The following SMCHD1 variants were observed in gnomAD, a reference collection of about 807,000 sequenced individuals.
SMCHD1 encodes the protein structural maintenance of chromosomes flexible hinge domain-containing protein 1.
SMCHD1 carries 78 observed loss-of-function variants against 254.7 expected under a neutral mutation model. The ratio of observed to expected loss-of-function variants is 0.31; its 90% CI spans 0.26 to 0.37. The LOEUF is 0.37. Among genes scored for constraint, SMCHD1 ranks in the 10% least tolerant of loss-of-function variants. The pLI is 1.00. For missense variants in SMCHD1, 1,840 were observed against 2,408.1 expected (o/e 0.76, Z 4.94); for synonymous variants, 766 against 794.9 (o/e 0.96, Z 0.61).
intron 10 of SMCHD1, among the ~76,000 whole-genome samples, chr18:2,699,622 A>G (rs2074356964): frequency 6.6e-6 from 1 of 152,218 alleles, no homozygotes; most frequent in African/African-American, 2.4e-5. Flanking sequence ...TTACAGGCGT[A>G]AGCCCCTGTG....
intron 25 of SMCHD1, among the ~76,000 whole-genome samples, chr18:2,736,937 G>A (rs62085960): frequency 0.19 from 29,534 of 152,016 alleles, 3,116 homozygotes; most frequent in South Asian, 0.27. Flanking sequence ...CCAAATATAC[G>A]TGCAGTTTTC....
chr18:2,668,670 G>T (rs1055101635), intron 3 of SMCHD1, among the ~76,000 whole-genome samples: 59 of 152,112 alleles, frequency 3.9e-4, no homozygotes, highest in Admixed American at 6.5e-5. Flanking sequence ...AACTCCTCCA[G>T]AGAGTTGAAT....
intron 3 of SMCHD1, among the ~76,000 whole-genome samples, chr18:2,669,647 C>G (rs961925438): frequency 1.3e-5 from 2 of 152,166 alleles, no homozygotes; most frequent in East Asian, 3.8e-4. Flanking sequence ...AGAAGTGACT[C>G]TCACAAGGAA....
Position 2,666,929 on chromosome 18 carries a change from C to T in SMCHD1, c.322C>T (p.Leu108=). The T allele has an allele frequency of 5.6e-6, 9 of 1,612,938 alleles. No individual in the cohort carries two copies. The highest frequency in any genetic ancestry group is 7.6e-6 in the Non-Finnish European group (9 of 1,179,278). The change falls in exon 3 of 48, where the codon CTG becomes TTG. Residue 108 remains leucine, a synonymous_variant. Coordinates refer to ENST00000320876, the MANE Select transcript of SMCHD1 (RefSeq NM_015295.3). ...GCTACAGTCGGTCAATCAGTTACTA[C>T]TGACAGCTACGAAAGAACGAATTGA... ...YLLQSVNQLL[L]TATKERIDFL... is the part of the protein sequence containing the mutation.
At chr18:2,794,991 T>A (rs901472871) in intron 45 of SMCHD1, among the ~76,000 whole-genome samples, 1 of 152,174 alleles carries the variant, frequency 6.6e-6, no homozygotes, top group Admixed American at 6.5e-5. Flanking sequence ...AAAGTTAAGT[T>A]TTTTGAAAGT....
At chr18:2,698,129 A>C in intron 10 of SMCHD1, 88 bp downstream of exon 10, 1 of 953,192 alleles carries the variant, frequency 1.0e-6, no homozygotes, top group Non-Finnish European at 1.5e-6. Flanking sequence ...CGGTTGGGTT[A>C]TTCAGGTTAG....
Position 2,711,773 on chromosome 18 carries a change from C to T in SMCHD1, c.2260+3853C>T, listed in dbSNP as rs562265370. Among the ~76,000 whole-genome samples, 8 of 152,298 alleles carry T rather than the reference C, an allele frequency of 5.3e-5. No homozygotes were observed. The East Asian group carries it at 9.6e-4, about 18-fold the overall frequency. Reference sequence around the variant, plus strand: ...CTGGGATTACAGGCGTGAGCCACCGCGCCCGGCCTGGATGTTTGTCTTGAT... The same window carrying T: ...CTGGGATTACAGGCGTGAGCCACCGTGCCCGGCCTGGATGTTTGTCTTGAT... On this transcript the variant is annotated intron_variant, in intron 17 of 47. Transcript: ENST00000320876.
chr18:2,708,915 T>TATATAC (rs1568199419), intron 17 of SMCHD1, among the ~76,000 whole-genome samples: 7 of 90,446 alleles, frequency 7.7e-5, no homozygotes, highest in South Asian at 4.3e-4. Context: ...TATAACATAT[T>TATATAC]AACATGAAAT....
chr18:2,784,655 A>G, intron 45 of SMCHD1, 34 bp downstream of exon 45: 15 of 1,515,102 alleles, frequency 9.9e-6, no homozygotes, highest in Non-Finnish European at 1.3e-5. Flanking sequence ...AGCAATTTCT[A>G]ATTTAATTTT....
At chr18:2,721,988 G>A (rs529413752) in intron 19 of SMCHD1, among the ~76,000 whole-genome samples, 82 of 152,260 alleles carry the variant, frequency 5.4e-4, no homozygotes, top group Middle Eastern at 3.4e-3. Context: ...AAAACTTCAG[G>A]ACTAGAGACC....
chr18:2,737,410 T>G (rs1018908235), intron 25 of SMCHD1, among the ~76,000 whole-genome samples: 4 of 152,180 alleles, frequency 2.6e-5, no homozygotes, highest in Non-Finnish European at 4.4e-5. Context: ...TTTAGAAATT[T>G]TTTTTAAAAA....
intron 13 of SMCHD1, among the ~76,000 whole-genome samples, chr18:2,705,081 C>T (rs767146716): frequency 1.4e-5 from 2 of 145,140 alleles, no homozygotes; most frequent in African/African-American, 2.5e-5. Flanking sequence ...TAGAGATGTG[C>T]GTAGGTTAAG....
intron 34 of SMCHD1, among the ~76,000 whole-genome samples, chr18:2,760,056 G>T (rs183183519): frequency 6.6e-6 from 1 of 152,206 alleles, no homozygotes; most frequent in Admixed American, 6.5e-5. Context: ...TGAATGACAT[G>T]CAAAAGCTAC....
chr18:2,766,273 G>A (rs750793983), intron 37 of SMCHD1, among the ~76,000 whole-genome samples: 30 of 152,200 alleles, frequency 2.0e-4, no homozygotes, highest in Non-Finnish European at 3.4e-4. Context: ...GATTACAGGC[G>A]TGAGCCGCCG....
intron 33 of SMCHD1, among the ~76,000 whole-genome samples, 155 bp downstream of exon 33, chr18:2,751,548 G>A (rs376720771): frequency 1.3e-5 from 2 of 152,240 alleles, no homozygotes; most frequent in Admixed American, 1.3e-4. Flanking sequence ...TTACATCAAT[G>A]TATGTTTCAA....
In SMCHD1 at chr18:2,722,542, T is replaced by A. The variant is rs778103153; in HGVS notation, c.2482T>A (p.Phe828Ile). 4 of 1,612,650 alleles carry A rather than the reference T, an allele frequency of 2.5e-6. No individual in the cohort carries two copies. The highest frequency in any genetic ancestry group is 3.4e-6 in the Non-Finnish European group (4 of 1,179,484). The change falls in exon 20 of 48, where the codon TTT becomes ATT. Residue 828 changes from phenylalanine to isoleucine, a missense_variant. Physicochemically the swap from Phe to Ile is conservative, Grantham distance 21. Around this residue, in one of 9 missense-constraint regions of SMCHD1, gnomAD observed 59 missense variants for 99.2 expected, o/e 0.59. Transcript: ENST00000320876. ...AGAGGGTAAGCCAGAGAAATTTTCA[T>A]TTGGTCTTCTGGATCTTCCTTTTCG... ...VKEGKPEKFS[F>I]GLLDLPFRVG... is the part of the protein sequence containing the mutation.
chr18:2,704,396 G>A (rs902745672), intron 13 of SMCHD1, among the ~76,000 whole-genome samples: 2 of 151,882 alleles, frequency 1.3e-5, no homozygotes, highest in African/African-American at 4.8e-5. Context: ...TTTTTTTGTT[G>A]AGCATCTGCT....
At chr18:2,746,607 A>G (rs1474311926) in intron 29 of SMCHD1, among the ~76,000 whole-genome samples, 4 of 152,240 alleles carry the variant, frequency 2.6e-5, no homozygotes, top group Non-Finnish European at 5.9e-5. Flanking sequence ...TCTTATTCAT[A>G]GCAGACTGTT....
intron 19 of SMCHD1, among the ~76,000 whole-genome samples, chr18:2,720,933 G>A (rs1310568427): frequency 3.3e-5 from 5 of 152,138 alleles, no homozygotes; most frequent in African/African-American, 9.7e-5. Context: ...ACTTTTAGTA[G>A]TGCTGTGTCT....
Sources: allele counts gnomAD v4.1 joint callset (sites outside exome capture counted in the v4.1 genomes callset), GRCh38; gene constraint gnomAD v4.1.1; regional missense constraint gnomAD v4.1.1; transcripts MANE v1.5; gene names NCBI Gene and HGNC (gene_info 2026-07-23, HGNC 2026-07-21).